The following CSMD2 variants were observed in gnomAD, a reference collection of about 807,000 sequenced individuals.
The protein encoded by CSMD2 is CUB and sushi domain-containing protein 2.
A neutral mutation model predicts 398.5 loss-of-function variants in CSMD2; 130 were observed. That is an observed-to-expected ratio of 0.33 (90% confidence interval 0.28 to 0.38). The LOEUF (loss-of-function observed/expected upper bound fraction) is 0.38. Ranked by LOEUF, CSMD2 falls within the 10% of genes least tolerant of loss-of-function variation. CSMD2 has a pLI of 1.00. For synonymous variants in CSMD2, 1,828 were observed against 1,908.5 expected, an observed-to-expected ratio of 0.96 and a Z score of 1.10; for missense variants, 3,829 against 4,764.9, an observed-to-expected ratio of 0.80 and a Z score of 5.78.
chr1:33,776,480 G>T (rs1651984396), intron 12 of CSMD2, among the ~76,000 whole-genome samples: 1 of 152,150 alleles, frequency 6.6e-6, no homozygotes, highest in Admixed American at 6.5e-5. Context: ...ATGGGAAAAC[G>T]ACTTGAAGAG....
At chr1:33,788,083 C>T (rs748553484) in intron 12 of CSMD2, among the ~76,000 whole-genome samples, 1 of 152,106 alleles carries the variant, frequency 6.6e-6, no homozygotes, top group Non-Finnish European at 1.5e-5. Context: ...ATGCTGGGTG[C>T]CTAGCATTTT....
intron 32 of CSMD2, among the ~76,000 whole-genome samples, chr1:33,627,884 T>C (rs1268622914): frequency 6.6e-6 from 1 of 152,200 alleles, no homozygotes; most frequent in Non-Finnish European, 1.5e-5. Context: ...CCTAGTGAGC[T>C]CTCACAGAAC....
In CSMD2 at chr1:33,739,225, G is replaced by A; in HGVS notation, c.2283C>T (p.Phe761=). Residue 761 remains phenylalanine (F), a synonymous_variant, in exon 15 of 71, where the codon TTC becomes TTT. Transcript: ENST00000373381. ...SSISFLCDEG[F]LGTQGSETIT... is the part of the protein sequence containing the mutation. ...TGGTCTCTGAGCCCTGAGTCCCAAGGAAGCCTTCATCACAGAGGAAGGAGA... is the reference window on the plus strand; with the variant it reads ...TGGTCTCTGAGCCCTGAGTCCCAAGAAAGCCTTCATCACAGAGGAAGGAGA... 1 of 1,614,202 alleles carries A rather than the reference G, an allele frequency of 6.2e-7. No individual in the cohort carries two copies. The highest frequency in any genetic ancestry group is 8.5e-7 in the Non-Finnish European group (1 of 1,180,030).
At chr1:33,648,620 C>T (rs1317542245) in intron 28 of CSMD2, among the ~76,000 whole-genome samples, 1 of 152,018 alleles carries the variant, frequency 6.6e-6, no homozygotes, top group African/African-American at 2.4e-5. Flanking sequence ...TTCTGAAGGG[C>T]CAAAGAATGA....
intron 2 of CSMD2, among the ~76,000 whole-genome samples, chr1:34,069,637 C>T (rs1268697480): frequency 6.6e-6 from 1 of 152,134 alleles, no homozygotes; most frequent in Non-Finnish European, 1.5e-5. Flanking sequence ...TCTCTCCTGA[C>T]CCTCCAGTAA....
rs747220679 is a variant in CSMD2 at position 33,692,982 on chromosome 1, G to T, written c.4000C>A (p.His1334Asn). The T allele has an allele frequency of 4.4e-6, 7 of 1,607,138 alleles. No individual in the cohort carries two copies. In the South Asian group the frequency reaches 7.8e-5, roughly 18 times the overall value. ...LSPGYPAPYEHNLNCIWTIEA... is the reference protein window; with the variant it reads ...LSPGYPAPYENNLNCIWTIEA... ...ATGGTCCAGATGCAGTTGAGATTGT[G>T]TTCATAGGGAGCTGGATACCCGGGT... is the stretch of plus-strand genomic sequence containing the variant. The change falls in exon 25 of 71, where the codon CAC becomes AAC. Residue 1334 changes from histidine to asparagine, a missense_variant. Physicochemically the swap from His to Asn is moderately conservative, Grantham distance 68. Around this residue, in one of 5 missense-constraint regions of CSMD2, gnomAD observed 2,001 missense variants for 2,567.1 expected, o/e 0.78. Transcript: ENST00000373381.
chr1:34,038,677 T>G (rs1427058851), intron 2 of CSMD2, among the ~76,000 whole-genome samples: 1 of 152,172 alleles, frequency 6.6e-6, no homozygotes. Flanking sequence ...CTGCTCTGTC[T>G]CCTGCCTGGC....
At chr1:33,631,002 G>T (rs761967136) in intron 32 of CSMD2, among the ~76,000 whole-genome samples, 5 of 150,820 alleles carry the variant, frequency 3.3e-5, no homozygotes, top group Non-Finnish European at 5.9e-5. Context: ...GTTAGAACAA[G>T]AACAAAATAA....
intron 5 of CSMD2, among the ~76,000 whole-genome samples, chr1:33,861,489 G>A (rs1449580561): frequency 2.0e-5 from 3 of 152,164 alleles, no homozygotes; most frequent in African/African-American, 7.2e-5. Flanking sequence ...GGGAATATTG[G>A]ACACCTCTTC....
chr1:33,848,567 A>T (rs1638454686), intron 5 of CSMD2, among the ~76,000 whole-genome samples: 1 of 152,232 alleles, frequency 6.6e-6, no homozygotes, highest in African/African-American at 2.4e-5. Context: ...GACATCCAGC[A>T]TAGTGGGTCT....
chr1:33,652,588 G>A (rs867393915), intron 27 of CSMD2, 127 bp from the exon 28 acceptor site: 7 of 990,096 alleles, frequency 7.1e-6, no homozygotes, highest in African/African-American at 3.2e-5. Context: ...CCTGGCTTAG[G>A]GACTCAGGAG....
intron 29 of CSMD2, among the ~76,000 whole-genome samples, chr1:33,640,682 T>C (rs1643055231): frequency 6.6e-6 from 1 of 152,204 alleles, no homozygotes; most frequent in South Asian, 2.1e-4. Flanking sequence ...AAGCTGTTAA[T>C]AATGGTATTG....
chr1:33,550,366 A>G lies in CSMD2; in HGVS notation c.8744-16T>C. ...CAGGACACCACTGTGGGGGAAAAGC[A>G]AACATCTCAATGACTCTGCACAGGG... On this transcript the variant is annotated splice_polypyrimidine_tract_variant and intron_variant, in intron 55 of 70. Transcript: ENST00000373381. 1 of 1,610,752 alleles carries G rather than the reference A, an allele frequency of 6.2e-7. No homozygotes were observed. The highest frequency in any genetic ancestry group is 8.5e-7 in the Non-Finnish European group (1 of 1,177,350).
At chr1:33,667,437 G>A (rs1644353272) in intron 25 of CSMD2, among the ~76,000 whole-genome samples, 1 of 152,128 alleles carries the variant, frequency 6.6e-6, no homozygotes, top group Non-Finnish European at 1.5e-5. Flanking sequence ...GAGAGGGTAG[G>A]TAACTTGCAC....
chr1:33,601,379 A>G (rs990675536), intron 43 of CSMD2, among the ~76,000 whole-genome samples: 1 of 152,138 alleles, frequency 6.6e-6, no homozygotes, highest in Non-Finnish European at 1.5e-5. Flanking sequence ...TGCTATGCAT[A>G]TCGGCTCCAT....
At chr1:33,687,086 G>T (rs1050966621) in intron 25 of CSMD2, among the ~76,000 whole-genome samples, 1 of 152,182 alleles carries the variant, frequency 6.6e-6, no homozygotes, top group African/African-American at 2.4e-5. Context: ...GGCTTAAAGA[G>T]TTCCCTGAGC....
chr1:33,995,403 G>A (rs978769858), intron 3 of CSMD2, among the ~76,000 whole-genome samples: 3 of 152,180 alleles, frequency 2.0e-5, no homozygotes, highest in Non-Finnish European at 4.4e-5. Flanking sequence ...GATTCAACAG[G>A]GCCTAGTGGC....
chr1:33,956,020 G>A (rs1026729990), intron 3 of CSMD2, among the ~76,000 whole-genome samples: 3 of 152,034 alleles, frequency 2.0e-5, no homozygotes, highest in Non-Finnish European at 4.4e-5. Flanking sequence ...AGGGTGATGC[G>A]GCAATTAACA....
At chr1:34,051,231 C>T (rs1044515964) in intron 2 of CSMD2, among the ~76,000 whole-genome samples, 7 of 152,326 alleles carry the variant, frequency 4.6e-5, no homozygotes, top group Middle Eastern at 3.4e-3. Context: ...CTATTAATGG[C>T]TCAGGCACTT....
Sources: allele counts gnomAD v4.1 joint callset (sites outside exome capture counted in the v4.1 genomes callset), GRCh38; gene constraint gnomAD v4.1.1; regional missense constraint gnomAD v4.1.1; transcripts MANE v1.5; gene names NCBI Gene and HGNC (gene_info 2026-07-23, HGNC 2026-07-21).